Variants in ADAMTS6 observed in about 807,000 individuals in gnomAD.
The protein encoded by ADAMTS6 is ADAM metallopeptidase with thrombospondin type 1 motif 6, also known as A disintegrin and metalloproteinase with thrombospondin motifs 6.
ADAMTS6 carries 23 observed loss-of-function variants against 144.3 expected under a neutral mutation model. The ratio of observed to expected loss-of-function variants is 0.16; its 90% CI spans 0.11 to 0.23. The LOEUF (loss-of-function observed/expected upper bound fraction) is 0.23, where lower values mean the gene tolerates loss of function less well. Ranked by LOEUF, ADAMTS6 falls within the 10% of genes least tolerant of loss-of-function variation. The probability of loss-of-function intolerance (pLI) is 1.00; values close to 1 mark genes in which losing one functional copy is unlikely to be tolerated. For synonymous variants in ADAMTS6, 444 were observed against 457.5 expected, an observed-to-expected ratio of 0.97 and a Z score of 0.38; for missense variants, 999 against 1,379.6, an observed-to-expected ratio of 0.72 and a Z score of 4.37.
intron 7 of ADAMTS6, among the ~76,000 whole-genome samples, chr5:65,353,345 T>C (rs1179464095): frequency 6.6e-6 from 1 of 152,020 alleles, no homozygotes; most frequent in Non-Finnish European, 1.5e-5. Flanking sequence ...TTAAGTAACT[T>C]ACCCAACAGC....
chr5:65,397,843 C>T (rs1199834409), intron 7 of ADAMTS6, among the ~76,000 whole-genome samples: 1 of 148,106 alleles, frequency 6.8e-6, no homozygotes, highest in Non-Finnish European at 1.5e-5. Context: ...TGCCACTACA[C>T]TCCAGCCTCA....
intron 7 of ADAMTS6, among the ~76,000 whole-genome samples, chr5:65,400,144 G>A (rs898899699): frequency 2.0e-5 from 3 of 151,892 alleles, no homozygotes; most frequent in African/African-American, 7.3e-5. Context: ...TCCTCTATAG[G>A]TAAGATTTTT....
intron 21 of ADAMTS6, among the ~76,000 whole-genome samples, chr5:65,189,608 TCTGA>T: frequency 6.6e-6 from 1 of 152,382 alleles, no homozygotes; most frequent in African/African-American, 2.4e-5. Flanking sequence ...AGTTTTGTTA[TCTGA>T]AACAAGGGTC....
At chr5:65,453,208 C>T (rs1401471732) in intron 4 of ADAMTS6, among the ~76,000 whole-genome samples, 1 of 152,012 alleles carries the variant, frequency 6.6e-6, no homozygotes, top group Non-Finnish European at 1.5e-5. Context: ...CCAGTAATTA[C>T]ATCTTAATAC....
intron 11 of ADAMTS6, among the ~76,000 whole-genome samples, chr5:65,285,170 A>G (rs972792673): frequency 6.6e-6 from 1 of 152,134 alleles, no homozygotes; most frequent in African/African-American, 2.4e-5. Flanking sequence ...CTTAGACATT[A>G]TGTTATTTTC....
intron 14 of ADAMTS6, among the ~76,000 whole-genome samples, chr5:65,244,645 A>G (rs1759477757): frequency 6.6e-6 from 1 of 152,184 alleles, no homozygotes; most frequent in Non-Finnish European, 1.5e-5. Context: ...TATTATCTAT[A>G]TACTCCTTCT....
rs564449498 is a variant in ADAMTS6 at position 65,481,555 on chromosome 5, C to T, written c.-492G>A. 12 of 151,792 alleles carry T rather than the reference C, an allele frequency of 7.9e-5. No individual in the cohort carries two copies. Among genetic ancestry groups the T allele is most frequent in the African/African-American group, 2.9e-4 (12 of 41,364 alleles). The allele number at this position is 151,792 out of a possible 1,614,324, so 9.4% of individuals were successfully genotyped here. A position where few individuals can be genotyped will look rare whatever the true frequency, so the allele number is the denominator to read the frequency against. On this transcript the variant is annotated 5_prime_UTR_variant, in exon 1 of 25. Transcript: ENST00000381055. ...ACCCGGGCTTTAGAGAACTGACTTT[C>T]CGATTTGGCAGAATAAGAGATGCCT...
At chr5:65,434,889 T>C (rs544052105) in intron 7 of ADAMTS6, among the ~76,000 whole-genome samples, 1 of 152,284 alleles carries the variant, frequency 6.6e-6, no homozygotes, top group East Asian at 1.9e-4. Context: ...TTCTAGGTAT[T>C]TGCCCTAGAG....
intron 9 of ADAMTS6, among the ~76,000 whole-genome samples, chr5:65,328,872 T>C (rs1051300125): frequency 2.0e-5 from 3 of 151,916 alleles, no homozygotes; most frequent in African/African-American, 7.2e-5. Context: ...GAAAGGAGGA[T>C]GGTATTGTGT....
intron 11 of ADAMTS6, among the ~76,000 whole-genome samples, chr5:65,276,391 G>A (rs1762544767): frequency 6.6e-6 from 1 of 152,120 alleles, no homozygotes; most frequent in Non-Finnish European, 1.5e-5. Context: ...TCATGGAGAA[G>A]GCTCTGAAGA....
In ADAMTS6 at chr5:65,224,999, A is replaced by G; in HGVS notation, c.2116T>C (p.Cys706Arg). 6.2e-7 allele frequency: 1 copy of G among 1,614,130 alleles called. No homozygotes were observed. Among genetic ancestry groups the G allele is most frequent in the Non-Finnish European group, 8.5e-7 (1 of 1,180,010 alleles). The change falls in exon 17 of 25, where the codon TGT becomes CGT. Residue 706 changes from cysteine (C) to arginine (R), a missense_variant. Coordinates refer to ENST00000381055, the MANE Select transcript of ADAMTS6 (RefSeq NM_197941.4). Reference sequence around the variant, plus strand: ...CTTCCGTCCCCTCCACAGACTCGACATCTATCTTCCCTAGCATCAGATCCC... The same window carrying G: ...CTTCCGTCCCCTCCACAGACTCGACGTCTATCTTCCCTAGCATCAGATCCC... ...ILGSDAREDRCRVCGGDGSTC... is the reference protein window; with the variant it reads ...ILGSDAREDRRRVCGGDGSTC...
intron 7 of ADAMTS6, among the ~76,000 whole-genome samples, chr5:65,356,442 T>G (rs1230267653): frequency 6.6e-6 from 1 of 151,912 alleles, no homozygotes; most frequent in Non-Finnish European, 1.5e-5. Context: ...AAATGACAAC[T>G]GCTATTCTTT....
At chr5:65,329,263 G>A in intron 9 of ADAMTS6, 115 bp downstream of exon 9, 1 of 832,672 alleles carries the variant, frequency 1.2e-6, no homozygotes, top group Non-Finnish European at 1.9e-6. Context: ...TCATCTATTG[G>A]AATCAGACAA....
chr5:65,329,419 G>A lies in ADAMTS6; in HGVS notation c.1182C>T (p.Gly394=). The A allele has an allele frequency of 6.2e-7, 1 of 1,612,820 alleles. No individual in the cohort carries two copies. Among genetic ancestry groups the A allele is most frequent in the Non-Finnish European group, 8.5e-7 (1 of 1,179,300 alleles). Residue 394 remains glycine (G), a synonymous_variant, in exon 9 of 25, where the codon GGC becomes GGT. Transcript: ENST00000381055. The part of the protein sequence containing the change: ...ERSCSINEDI[G]LGSAFTIAHE... ...GTGCAATGGTAAAAGCTGAACCCAG[G>A]CCAATGTCTTCATTAATGCTGCAGC...
At chr5:65,407,224 G>A (rs1437911460) in intron 7 of ADAMTS6, among the ~76,000 whole-genome samples, 7 of 152,100 alleles carry the variant, frequency 4.6e-5, no homozygotes, top group African/African-American at 1.7e-4. Context: ...AATGTTAAGG[G>A]CAGCCAGAGA....
chr5:65,455,900 T>A (rs755749942), intron 4 of ADAMTS6, among the ~76,000 whole-genome samples: 3 of 152,042 alleles, frequency 2.0e-5, no homozygotes, highest in Non-Finnish European at 4.4e-5. Context: ...AACATTTTAG[T>A]TTTTAAAAAT....
At chr5:65,365,823 G>C (rs1224933078) in intron 7 of ADAMTS6, among the ~76,000 whole-genome samples, 2 of 151,960 alleles carry the variant, frequency 1.3e-5, no homozygotes, top group African/African-American at 2.4e-5. Context: ...TCCTATATAA[G>C]CTCTTATTTT....
chr5:65,379,552 T>C (rs1193714062), intron 7 of ADAMTS6, among the ~76,000 whole-genome samples: 1 of 152,232 alleles, frequency 6.6e-6, no homozygotes, highest in Non-Finnish European at 1.5e-5. Context: ...CATATTCTGT[T>C]ATGCTTACTT....
intron 7 of ADAMTS6, among the ~76,000 whole-genome samples, chr5:65,405,341 T>A (rs1009218293): frequency 2.6e-5 from 4 of 152,210 alleles, no homozygotes; most frequent in Non-Finnish European, 4.4e-5. Flanking sequence ...AAGGAAGGGA[T>A]CCAGTTTCAG....
Sources: gnomAD v4.1 joint callset for allele counts (sites outside exome capture counted in the v4.1 genomes callset) on GRCh38, gnomAD v4.1.1 for gene constraint, MANE v1.5 for transcripts, NCBI Gene and HGNC (gene_info 2026-07-23, HGNC 2026-07-21) for gene names.